The following WDR41 variants were observed in gnomAD, a reference collection of about 807,000 sequenced individuals.
The protein encoded by WDR41 is WD repeat domain 41.
Under a neutral mutation model 69.3 loss-of-function variants are expected in WDR41, and 63 were observed. The ratio of observed to expected loss-of-function variants is 0.91; its 90% confidence interval spans 0.74 to 1.12. WDR41 has a LOEUF of 1.12. WDR41 is among the 50% of genes most tolerant of loss of function. WDR41 has a pLI of 0.00. For missense variants in WDR41, 543 were observed against 534.5 expected (o/e 1.02, Z -0.16); for synonymous variants, 185 against 192.1 (o/e 0.96, Z 0.31).
At chr5:77,620,208 CAA>C (rs1048109497) in intron 1 of WDR41, among the ~76,000 whole-genome samples, 45 of 151,836 alleles carry the variant, frequency 3.0e-4, no homozygotes, top group African/African-American at 1.0e-3. Context: ...TGCCTCTGTG[CAA>C]ACTCTACCCA....
chr5:77,556,414 T>A (rs923724519), intron 1 of WDR41, among the ~76,000 whole-genome samples: 6 of 151,942 alleles, frequency 3.9e-5, no homozygotes, highest in Non-Finnish European at 7.4e-5. Flanking sequence ...TGACTGACTG[T>A]TTGTTTGTTT....
intron 1 of WDR41, among the ~76,000 whole-genome samples, chr5:77,550,281 A>G (rs1743272497): frequency 6.6e-6 from 1 of 152,200 alleles, no homozygotes; most frequent in South Asian, 2.1e-4. Context: ...CACAGCAAAA[A>G]AAATGATCAA....
At chr5:77,514,874 A>G (rs1224958995) in intron 1 of WDR41, among the ~76,000 whole-genome samples, 1 of 152,192 alleles carries the variant, frequency 6.6e-6, no homozygotes, top group African/African-American at 2.4e-5. Context: ...AAGATACAGT[A>G]TGAAAGATTT....
chr5:77,601,487 T>A (rs1273591719), intron 1 of WDR41, among the ~76,000 whole-genome samples: 2 of 152,180 alleles, frequency 1.3e-5, no homozygotes. Flanking sequence ...ACATTAATTT[T>A]AAATGTATTG....
At chr5:77,579,736 G>T (rs556658774) in intron 1 of WDR41, among the ~76,000 whole-genome samples, 1 of 152,098 alleles carries the variant, frequency 6.6e-6, no homozygotes, top group Admixed American at 6.6e-5. Context: ...ACTCACACAC[G>T]TTGTAAAGTT....
At chr5:77,447,821 G>A (rs1348912401) in intron 8 of WDR41, among the ~76,000 whole-genome samples, 1 of 152,102 alleles carries the variant, frequency 6.6e-6, no homozygotes, top group Non-Finnish European at 1.5e-5. Context: ...AAACCATCAT[G>A]GCACACGTAT....
intron 1 of WDR41, among the ~76,000 whole-genome samples, chr5:77,609,090 C>T (rs1486766445): frequency 6.6e-6 from 1 of 152,146 alleles, no homozygotes; most frequent in Admixed American, 6.5e-5. Context: ...AAGGCAGCAG[C>T]GAGGCTGGGG....
At chr5:77,525,751 A>G (rs1193832262) in intron 1 of WDR41, among the ~76,000 whole-genome samples, 1 of 152,184 alleles carries the variant, frequency 6.6e-6, no homozygotes, top group Non-Finnish European at 1.5e-5. Flanking sequence ...ATTCAGACCT[A>G]TAGGTAATAA....
At chr5:77,578,992 T>C (rs1385344331) in intron 1 of WDR41, among the ~76,000 whole-genome samples, 2 of 149,456 alleles carry the variant, frequency 1.3e-5, no homozygotes, top group South Asian at 2.1e-4. Context: ...TTAAAAAGTA[T>C]AATAAAAGAA....
At position 77,440,959 on chromosome 5, in the gene WDR41, T is replaced by C. The variant is rs747249266; in HGVS notation, c.736A>G (p.Ile246Val). The change falls in exon 9 of 13, where the codon ATC (isoleucine) becomes GTC (valine). Residue 246 changes from isoleucine to valine, a missense_variant. Transcript: ENST00000296679. ...GTCCAGTCCAGGGCATCCCAGATGATCAGCTCTCCGACGTGGGAGCCGGTG... is the reference window on the plus strand; with the variant it reads ...GTCCAGTCCAGGGCATCCCAGATGACCAGCTCTCCGACGTGGGAGCCGGTG... ...FVTGSHVGEL[I>V]IWDALDWTMQ... is the part of the protein sequence containing the mutation. 20 of 1,613,962 alleles carry C rather than the reference T, an allele frequency of 1.2e-5. No individual in the cohort carries two copies. The highest frequency in any genetic ancestry group is 1.6e-5 in the Non-Finnish European group (19 of 1,180,010).
chr5:77,546,086 G>A, intron 1 of WDR41: 2 of 534,968 alleles, frequency 3.7e-6, no homozygotes, highest in Non-Finnish European at 6.3e-6. Flanking sequence ...TGCCACCCTG[G>A]GCAACTTCGG....
intron 2 of WDR41, among the ~76,000 whole-genome samples, chr5:77,473,090 A>T (rs1800709292): frequency 1.3e-5 from 2 of 152,186 alleles, no homozygotes; most frequent in African/African-American, 2.4e-5. Context: ...GGTACCAAAA[A>T]CAGAGATATA....
At chr5:77,605,077 A>G (rs1744391621) in intron 1 of WDR41, among the ~76,000 whole-genome samples, 1 of 152,170 alleles carries the variant, frequency 6.6e-6, no homozygotes, top group Non-Finnish European at 1.5e-5. Flanking sequence ...TTTATATTTT[A>G]ATTGTTAACC....
At chr5:77,588,936 G>GC (rs1744086537) in intron 1 of WDR41, among the ~76,000 whole-genome samples, 1 of 152,122 alleles carries the variant, frequency 6.6e-6, no homozygotes, top group South Asian at 2.1e-4. Context: ...AGGAACACCA[G>GC]CAAGCACTTC....
intron 1 of WDR41, among the ~76,000 whole-genome samples, chr5:77,578,781 T>C (rs903590975): frequency 1.3e-5 from 2 of 149,448 alleles, no homozygotes; most frequent in African/African-American, 5.0e-5. Flanking sequence ...GGAGAATCAC[T>C]TGAACCCAGG....
At chr5:77,614,023 C>T (rs1464159461) in intron 1 of WDR41, among the ~76,000 whole-genome samples, 2 of 152,156 alleles carry the variant, frequency 1.3e-5, no homozygotes. Context: ...GACATTTATG[C>T]AGCCAAAAGA....
At chr5:77,450,610 G>A (rs917817628) in intron 7 of WDR41, among the ~76,000 whole-genome samples, 5 of 152,042 alleles carry the variant, frequency 3.3e-5, no homozygotes, top group African/African-American at 1.2e-4. Flanking sequence ...TGTGAATAAG[G>A]CCCAGTCACA....
chr5:77,439,115 C>T (rs1238865695), intron 9 of WDR41, among the ~76,000 whole-genome samples: 1 of 152,158 alleles, frequency 6.6e-6, no homozygotes, highest in African/African-American at 2.4e-5. Flanking sequence ...GTCCCTTGCT[C>T]ATTCCTCACG....
intron 2 of WDR41, among the ~76,000 whole-genome samples, chr5:77,472,917 C>A (rs1304509025): frequency 6.6e-6 from 1 of 152,152 alleles, no homozygotes; most frequent in Non-Finnish European, 1.5e-5. Flanking sequence ...TTGGAAAAAA[C>A]TACTTTCACG....
Sources: gnomAD v4.1 joint callset for allele counts (sites outside exome capture counted in the v4.1 genomes callset) on GRCh38, gnomAD v4.1.1 for gene constraint, MANE v1.5 for transcripts, NCBI Gene and HGNC (gene_info 2026-07-23, HGNC 2026-07-21) for gene names.